Variants in CNTNAP4 observed in about 807,000 individuals in gnomAD.
The protein encoded by CNTNAP4 is contactin-associated protein-like 4.
In CNTNAP4, 98 loss-of-function variants were observed where a neutral mutation model predicts 148.4. That is an observed-to-expected ratio of 0.66 (90% CI 0.56 to 0.78). CNTNAP4 has a LOEUF of 0.78. Among genes scored for constraint, CNTNAP4 ranks in the 30% least tolerant of loss-of-function variants. The pLI, the probability that CNTNAP4 is intolerant of heterozygous loss-of-function variation, is 0.00. For missense variants in CNTNAP4, 1,935 were observed against 1,565.6 expected (o/e 1.24, Z -3.98); for synonymous variants, 730 against 565.1 (o/e 1.29, Z -4.14).
chr16:76,307,160 A>G (rs1960562444), intron 1 of CNTNAP4, among the ~76,000 whole-genome samples: 1 of 152,182 alleles, frequency 6.6e-6, no homozygotes, highest in African/African-American at 2.4e-5. Flanking sequence ...TGAAACAAAT[A>G]TGTTTGGCCA....
At chr16:76,285,968 C>A (rs1393471097) in intron 1 of CNTNAP4, among the ~76,000 whole-genome samples, 1 of 151,908 alleles carries the variant, frequency 6.6e-6, no homozygotes, top group Non-Finnish European at 1.5e-5. Context: ...CTTGGAAAAT[C>A]TGAGAAAGTC....
chr16:76,339,142 A>G (rs971155512), intron 2 of CNTNAP4, among the ~76,000 whole-genome samples: 62 of 152,178 alleles, frequency 4.1e-4, no homozygotes, highest in African/African-American at 1.2e-3. Flanking sequence ...GATACATTCT[A>G]TATGCTTTGC....
rs1458660823 is a variant in CNTNAP4, at chr16:76,461,940, G to T, written c.1334-16G>T. 5 of 1,612,010 alleles carry T rather than the reference G, an allele frequency of 3.1e-6. No homozygotes were observed. Among genetic ancestry groups the T allele is most frequent in the South Asian group, 2.2e-5 (2 of 90,906 alleles). Reference sequence around the variant, plus strand: ...TCACTATTGAGAGCGATCTCTAACTGATTTCATCTCCCTAGGTGTCGAATT... The same window carrying T: ...TCACTATTGAGAGCGATCTCTAACTTATTTCATCTCCCTAGGTGTCGAATT... On this transcript the variant is annotated splice_polypyrimidine_tract_variant and intron_variant, in intron 8 of 23. Transcript: ENST00000611870.
chr16:76,467,432 A>C lies in CNTNAP4; in HGVS notation c.1564A>C (p.Ser522Arg). 2 of 1,613,906 alleles carry C rather than the reference A, an allele frequency of 1.2e-6. No individual in the cohort carries two copies. The highest frequency in any genetic ancestry group is 1.7e-6 in the Non-Finnish European group (2 of 1,179,850). Reference protein sequence around the residue: ...FQGCMRLISISGKVVDLISVQ... With the variant: ...FQGCMRLISIRGKVVDLISVQ... ...GGGATGTATGAGGCTCATTTCTATCAGCGGCAAAGTGGTAGATCTGATTTC... is the reference window on the plus strand; with the variant it reads ...GGGATGTATGAGGCTCATTTCTATCCGCGGCAAAGTGGTAGATCTGATTTC... The change falls in exon 10 of 24, where the codon AGC (serine) becomes CGC (arginine). Residue 522 changes from serine (S) to arginine (R), a missense_variant. Ser to Arg is a moderately radical substitution (Grantham distance 110). Transcript: ENST00000611870.
chr16:76,439,746 A>G (rs2079966241), intron 4 of CNTNAP4, among the ~76,000 whole-genome samples: 1 of 152,140 alleles, frequency 6.6e-6, no homozygotes, highest in Non-Finnish European at 1.5e-5. Context: ...TATATATAGC[A>G]CTTGATCTCT....
chr16:76,293,639 G>A (rs528938965), intron 1 of CNTNAP4, among the ~76,000 whole-genome samples: 3 of 152,118 alleles, frequency 2.0e-5, no homozygotes, highest in Admixed American at 6.5e-5. Context: ...CTGCACTTAA[G>A]GGATCACTTG....
intron 2 of CNTNAP4, among the ~76,000 whole-genome samples, chr16:76,333,203 A>T (rs1963693921): frequency 6.6e-6 from 1 of 152,222 alleles, no homozygotes; most frequent in Non-Finnish European, 1.5e-5. Flanking sequence ...ACTAAGTGAC[A>T]CATGATGTAG....
chr16:76,427,566 G>A lies in CNTNAP4; in HGVS notation c.505G>A (p.Gly169Arg). 1.2e-6 allele frequency: 2 copies of A among 1,612,582 alleles called. No homozygotes were observed. The highest frequency in any genetic ancestry group is 1.7e-6 in the Non-Finnish European group (2 of 1,179,244). Residue 169 changes from glycine (G) to arginine (R), a missense_variant, in exon 4 of 24, where the codon GGA becomes AGA. Coordinates refer to ENST00000611870, the MANE Select transcript of CNTNAP4 (RefSeq NM_033401.5). ...GGAATGGAACCCCAAGGGCAGAATTGGAATGCGAATCGAAGTGTTCGGATG... is the reference window on the plus strand; with the variant it reads ...GGAATGGAACCCCAAGGGCAGAATTAGAATGCGAATCGAAGTGTTCGGATG... ...PLEWNPKGRI[G>R]MRIEVFGCAY... is the part of the protein sequence containing the mutation.
chr16:76,547,353 A>G (rs913772355), intron 21 of CNTNAP4, among the ~76,000 whole-genome samples: 2 of 152,212 alleles, frequency 1.3e-5, no homozygotes, highest in African/African-American at 4.8e-5. Context: ...ATATGCCCAC[A>G]TTTTGAATAA....
At chr16:76,549,155 G>C (rs1245418953) in intron 21 of CNTNAP4, among the ~76,000 whole-genome samples, 1 of 152,110 alleles carries the variant, frequency 6.6e-6, no homozygotes, top group Non-Finnish European at 1.5e-5. Context: ...GGCCAGCCTA[G>C]AAGAATCTCA....
At chr16:76,405,606 A>G (rs1371553454) in intron 3 of CNTNAP4, among the ~76,000 whole-genome samples, 1 of 152,158 alleles carries the variant, frequency 6.6e-6, no homozygotes, top group Non-Finnish European at 1.5e-5. Context: ...TTCATTAACT[A>G]GAAGTGAGTC....
intron 1 of CNTNAP4, among the ~76,000 whole-genome samples, chr16:76,306,593 G>A (rs1230862547): frequency 1.3e-5 from 2 of 152,236 alleles, no homozygotes; most frequent in Non-Finnish European, 2.9e-5. Context: ...ACAGGCAGGA[G>A]TCAAGATGAT....
chr16:76,539,145 G>A (rs1441075489), intron 19 of CNTNAP4, among the ~76,000 whole-genome samples: 1 of 151,986 alleles, frequency 6.6e-6, no homozygotes, highest in East Asian at 1.9e-4. Context: ...AAGATATCCT[G>A]TGAAATAAAT....
chr16:76,433,439 C>G (rs572291285), intron 4 of CNTNAP4, among the ~76,000 whole-genome samples: 21 of 152,002 alleles, frequency 1.4e-4, no homozygotes, highest in Admixed American at 3.9e-4. Flanking sequence ...AACATATTAA[C>G]TTGCACATAA....
At chr16:76,460,844 T>C (rs1376362911) in intron 8 of CNTNAP4, among the ~76,000 whole-genome samples, 1 of 145,842 alleles carries the variant, frequency 6.9e-6, no homozygotes, top group African/African-American at 2.5e-5. Context: ...TTGTTTACTA[T>C]AGTTATGTTC....
intron 3 of CNTNAP4, among the ~76,000 whole-genome samples, chr16:76,357,997 A>G (rs1300563346): frequency 6.6e-6 from 1 of 152,126 alleles, no homozygotes; most frequent in Admixed American, 6.6e-5. Context: ...ATCTGTGCCT[A>G]TCTTTGTCCA....
chr16:76,302,838 C>G (rs555481222), intron 1 of CNTNAP4, among the ~76,000 whole-genome samples: 1 of 152,158 alleles, frequency 6.6e-6, no homozygotes, highest in African/African-American at 2.4e-5. Flanking sequence ...ACACACCTGA[C>G]TATCTCTCCA....
At chr16:76,464,314 C>T (rs1018181828) in intron 9 of CNTNAP4, among the ~76,000 whole-genome samples, 2 of 152,098 alleles carry the variant, frequency 1.3e-5, no homozygotes, top group African/African-American at 4.8e-5. Flanking sequence ...TGGAGGAGGG[C>T]TAAAGTAGGG....
In CNTNAP4 at chr16:76,517,403, C is replaced by T. The variant is rs539566743; in HGVS notation, c.2366-3737C>T. Among the ~76,000 whole-genome samples the T allele has an allele frequency of 2.6e-5, 4 of 152,128 alleles. 1 individual carries two copies. Among genetic ancestry groups the T allele is most frequent in the African/African-American group, 9.6e-5 (4 of 41,484 alleles). ...CTTTCTGTGTTATTTCTTACACCTGCGTAAGAATCTACAAACATTTGGAAA... is the reference window on the plus strand; with the variant it reads ...CTTTCTGTGTTATTTCTTACACCTGTGTAAGAATCTACAAACATTTGGAAA... On this transcript the variant is annotated intron_variant, in intron 15 of 23. Coordinates refer to ENST00000611870, the MANE Select transcript of CNTNAP4 (RefSeq NM_033401.5).
Sources: gnomAD v4.1 joint callset for allele counts (sites outside exome capture counted in the v4.1 genomes callset) on GRCh38, gnomAD v4.1.1 for gene constraint, MANE v1.5 for transcripts, NCBI Gene and HGNC (gene_info 2026-07-23, HGNC 2026-07-21) for gene names.